GLRA1: variants seen among roughly 807,000 people sequenced by gnomAD.
GLRA1 encodes the protein glycine receptor alpha 1.
A neutral mutation model predicts 48.3 loss-of-function variants in GLRA1; 37 were observed. That is an observed-to-expected ratio of 0.77 (90% CI 0.59 to 1.01). The LOEUF (loss-of-function observed/expected upper bound fraction) is 1.01. Ranked by LOEUF, GLRA1 falls within the 50% of genes least tolerant of loss-of-function variation. GLRA1 has a pLI of 0.00. For missense variants in GLRA1, 427 were observed against 571.0 expected (o/e 0.75, Z 2.57); for synonymous variants, 196 against 210.7 (o/e 0.93, Z 0.60).
intron 7 of GLRA1, chr5:151,850,336 G>A (rs1302431370): frequency 4.6e-6 from 7 of 1,523,882 alleles, no homozygotes; most frequent in Non-Finnish European, 5.5e-6. Context: ...TTCTGGGTGG[G>A]CTGTTTCATT....
chr5:151,843,007 A>G (rs1763749037), intron 7 of GLRA1, among the ~76,000 whole-genome samples: 1 of 152,226 alleles, frequency 6.6e-6, no homozygotes, highest in Non-Finnish European at 1.5e-5. Context: ...AAAAGAATAT[A>G]TCTGTACAAC....
At chr5:151,922,078 T>A (rs1235039481) in intron 1 of GLRA1, among the ~76,000 whole-genome samples, 1 of 152,212 alleles carries the variant, frequency 6.6e-6, no homozygotes, top group Non-Finnish European at 1.5e-5. Context: ...TGTCTGTTAT[T>A]GAGAGCCTTT....
Position 151,911,623 on chromosome 5 carries a change from T to G in GLRA1, c.56+12871A>C, listed in dbSNP as rs1581663199. 6.8e-5 allele frequency among the ~76,000 whole-genome samples: 10 copies of G among 147,494 alleles called. No homozygotes were observed. In the South Asian group the frequency reaches 2.2e-3, roughly 32 times the overall value. On this transcript the variant is annotated intron_variant, in intron 1 of 8. Coordinates refer to ENST00000274576, the MANE Select transcript of GLRA1 (RefSeq NM_000171.4). The stretch of plus-strand genomic sequence containing the variant: ...GAGTTTTTTTTTTTTTTTTTTTTTT[T>G]GAGATGGAGTCTCACTCTTTTGCCC...
chr5:151,833,079 C>T (rs537220217), intron 7 of GLRA1, among the ~76,000 whole-genome samples: 1 of 152,262 alleles, frequency 6.6e-6, no homozygotes, highest in South Asian at 2.1e-4. Context: ...AAACAGAATC[C>T]TTTACAGACA....
At chr5:151,923,798 A>G (rs1466724907) in intron 1 of GLRA1, among the ~76,000 whole-genome samples, 1 of 152,218 alleles carries the variant, frequency 6.6e-6, no homozygotes, top group African/African-American at 2.4e-5. Flanking sequence ...AGAGTTTGGA[A>G]AGGTGGGTTG....
At chr5:151,846,494 T>C (rs1752674125) in intron 7 of GLRA1, among the ~76,000 whole-genome samples, 1 of 152,218 alleles carries the variant, frequency 6.6e-6, no homozygotes. Context: ...ATTCAAGCAT[T>C]TGTAGTGAAT....
At chr5:151,891,796 G>A (rs1452391679) in intron 2 of GLRA1, among the ~76,000 whole-genome samples, 1 of 152,202 alleles carries the variant, frequency 6.6e-6, no homozygotes, top group Non-Finnish European at 1.5e-5. Context: ...AAGTGGAGCT[G>A]TTTGGGGAGG....
intron 7 of GLRA1, among the ~76,000 whole-genome samples, chr5:151,832,952 C>T (rs1339599081): frequency 1.5e-4 from 23 of 152,290 alleles, no homozygotes; most frequent in South Asian, 2.1e-4. Context: ...GCGGATCTCT[C>T]GGCAGAAACC....
At chr5:151,908,981 G>T (rs1284691968) in intron 1 of GLRA1, among the ~76,000 whole-genome samples, 2 of 152,180 alleles carry the variant, frequency 1.3e-5, no homozygotes, top group Admixed American at 6.5e-5. Context: ...TAAGATCACT[G>T]CCTTAGTCCC....
chr5:151,843,750 G>C (rs1225024692), intron 7 of GLRA1, among the ~76,000 whole-genome samples: 3 of 152,206 alleles, frequency 2.0e-5, no homozygotes, highest in Admixed American at 1.3e-4. Flanking sequence ...ATAGAATTGA[G>C]AGTCCAGAAG....
At chr5:151,840,367 G>A (rs12109574) in intron 7 of GLRA1, among the ~76,000 whole-genome samples, 20 of 151,980 alleles carry the variant, frequency 1.3e-4, no homozygotes, top group African/African-American at 4.8e-4. Context: ...CCAAAGTGCT[G>A]GAATTACAGG....
At position 151,822,584 on chromosome 5, in the gene GLRA1, C is replaced by T; in HGVS notation, c.*89G>A. 1.1e-6 allele frequency: 1 copy of T among 921,858 alleles called. No individual in the cohort carries two copies. Among genetic ancestry groups the T allele is most frequent in the Non-Finnish European group, 1.8e-6 (1 of 554,572 alleles). 57.1% of individuals were successfully genotyped at this position (921,858 alleles called of 1,614,324 possible). A position where few individuals can be genotyped will look rare whatever the true frequency, so the allele number is the denominator to read the frequency against. On this transcript the variant is annotated 3_prime_UTR_variant, in exon 9 of 9. Transcript: ENST00000274576. Reference sequence around the variant, plus strand: ...AGAGTTGTGTAAGTGTGCCCCCTCCCTCCGTTCCCCTTCTCTTCCTTAGTC... The same window carrying T: ...AGAGTTGTGTAAGTGTGCCCCCTCCTTCCGTTCCCCTTCTCTTCCTTAGTC...
intron 3 of GLRA1, chr5:151,875,797 C>T (rs1753612423): frequency 1.3e-5 from 2 of 152,394 alleles, no homozygotes; most frequent in African/African-American, 2.4e-5. Context: ...GGCTCTGCCA[C>T]TTCCCACTTC....
intron 7 of GLRA1, among the ~76,000 whole-genome samples, chr5:151,849,452 TTTCCTTCCTTCCTTCCTTCC>T (rs1377147013): frequency 7.7e-4 from 12 of 15,654 alleles, no homozygotes; most frequent in Non-Finnish European, 2.3e-4. Flanking sequence ...TTTCCTTTCC[TTTCCTTCCTTCCTTCCTTCC>T]TTCCTTCCTT....
At chr5:151,914,289 C>T (rs972838263) in intron 1 of GLRA1, among the ~76,000 whole-genome samples, 16 of 152,108 alleles carry the variant, frequency 1.1e-4, no homozygotes, top group African/African-American at 3.6e-4. Context: ...GTGATGCTGA[C>T]GGCTATTATG....
rs538483823 is a variant in GLRA1 at position 151,918,505 on chromosome 5, T to G, written c.56+5989A>C. 8.5e-4 allele frequency among the ~76,000 whole-genome samples: 130 copies of G among 152,338 alleles called. 6 individuals are homozygous for G. The South Asian group carries it at 0.026, about 31-fold the overall frequency. ...TTTAATAATTCTTTGTTGCATGGTGTTTGTATGTTCATTGTCCAATTTATT... is the reference window on the plus strand; with the variant it reads ...TTTAATAATTCTTTGTTGCATGGTGGTTGTATGTTCATTGTCCAATTTATT... On this transcript the variant is annotated intron_variant, in intron 1 of 8. Coordinates refer to ENST00000274576, the MANE Select transcript of GLRA1 (RefSeq NM_000171.4).
chr5:151,844,818 AATT>A (rs1752627095), intron 7 of GLRA1, among the ~76,000 whole-genome samples: 1 of 151,974 alleles, frequency 6.6e-6, no homozygotes, highest in Non-Finnish European at 1.5e-5. Flanking sequence ...AAGATGGGAT[AATT>A]TATAAAGAAA....
At chr5:151,857,286 C>T (rs1220044068) in intron 4 of GLRA1, among the ~76,000 whole-genome samples, 1 of 152,204 alleles carries the variant, frequency 6.6e-6, no homozygotes, top group African/African-American at 2.4e-5. Context: ...TTTCCAAGTT[C>T]CTGATTGAAA....
rs1181626947 is a variant in GLRA1 at position 151,822,777 on chromosome 5, C to T, written c.1246G>A (p.Asp416Asn). 5.0e-6 allele frequency: 8 copies of T among 1,613,868 alleles called. No homozygotes were observed. The highest frequency in any genetic ancestry group is 1.3e-5 in the African/African-American group (1 of 75,006). The change falls in exon 9 of 9, where the codon GAC becomes AAC. Residue 416 changes from aspartate (D) to asparagine (N), a missense_variant. By Grantham distance (23) the Asp-to-Asn change is conservative. This residue lies in a region of GLRA1 where 121 missense variants were observed against 96.5 expected (regional missense o/e 1.25). Transcript: ENST00000274576. ...GGGAAGCCAATGCGGGATATTTTGT[C>T]GATCTTCTTGGCCCTCTGGATGAAG... ...KLFIQRAKKIDKISRIGFPMA... is the reference protein window; with the variant it reads ...KLFIQRAKKINKISRIGFPMA...
Sources: gnomAD v4.1 joint callset for allele counts (sites outside exome capture counted in the v4.1 genomes callset) on GRCh38, gnomAD v4.1.1 for gene constraint, gnomAD v4.1.1 regional missense constraint, MANE v1.5 for transcripts, NCBI Gene and HGNC (gene_info 2026-07-23, HGNC 2026-07-21) for gene names.